Variants in FNDC3B observed in about 807,000 individuals in gnomAD.
FNDC3B encodes fibronectin type III domain-containing protein 3B.
FNDC3B carries 12 observed loss-of-function variants against 151.5 expected under a neutral mutation model. That is an observed-to-expected ratio of 0.08 (90% CI 0.05 to 0.13). The LOEUF is 0.13. FNDC3B is among the 10% of genes least tolerant of loss of function. The probability of loss-of-function intolerance (pLI) is 1.00; values close to 1 mark genes in which losing one functional copy is unlikely to be tolerated. For synonymous variants in FNDC3B, 528 were observed against 549.0 expected, an observed-to-expected ratio of 0.96 and a Z score of 0.54; for missense variants, 1,214 against 1,505.3, an observed-to-expected ratio of 0.81 and a Z score of 3.20.
chr3:172,095,101 A>G lies in FNDC3B; in HGVS notation c.-28-17351A>G, dbSNP rs575765396. On this transcript the variant is annotated intron_variant, in intron 1 of 25. Coordinates refer to ENST00000415807, the MANE Select transcript of FNDC3B (RefSeq NM_022763.4). The stretch of plus-strand genomic sequence containing the variant: ...CAATTTTTGTTTTTCATTGACTCAG[A>G]CACAGTTCTGTCTAATTCTGACCTT... Among the ~76,000 whole-genome samples the G allele has an allele frequency of 2.0e-4, 30 of 152,282 alleles. No individual in the cohort carries two copies. The South Asian group carries it at 5.8e-3, about 29-fold the overall frequency.
At chr3:172,199,248 C>T (rs1330026308) in intron 3 of FNDC3B, among the ~76,000 whole-genome samples, 11 of 150,786 alleles carry the variant, frequency 7.3e-5, no homozygotes, top group South Asian at 2.1e-4. Flanking sequence ...GGCGCGATCT[C>T]GGCTCTCTGC....
chr3:172,352,829 G>A lies in FNDC3B; in HGVS notation c.2541G>A (p.Pro847=), dbSNP rs147677058. The change falls in exon 22 of 26, where the codon CCG becomes CCA. Residue 847 remains proline (P), a synonymous_variant. Coordinates refer to ENST00000415807, the MANE Select transcript of FNDC3B (RefSeq NM_022763.4). This position sits in a 1 kb window ranked among gnomAD's most constrained non-coding sequence, Gnocchi z 4.2. Reference sequence around the variant, plus strand: ...CCTTCAATCAAGCAGGGGCAGGGCCGTACAGTGAACTTGTCCTTTGCCAGA... The same window carrying A: ...CCTTCAATCAAGCAGGGGCAGGGCCATACAGTGAACTTGTCCTTTGCCAGA... ...LQAFNQAGAG[P]YSELVLCQTP... 1.4e-5 allele frequency: 22 copies of A among 1,613,982 alleles called. No individual in the cohort carries two copies. The highest frequency in any genetic ancestry group is 1.7e-4 in the Middle Eastern group (1 of 6,028).
intron 6 of FNDC3B, among the ~76,000 whole-genome samples, chr3:172,280,042 G>A (rs1729629097): frequency 6.6e-6 from 1 of 152,128 alleles, no homozygotes; most frequent in African/African-American, 2.4e-5. Flanking sequence ...AGCCTCCCAA[G>A]TAGTCGGGAC....
chr3:172,112,247 G>C (rs1720013457), intron 1 of FNDC3B, among the ~76,000 whole-genome samples: 1 of 152,200 alleles, frequency 6.6e-6, no homozygotes, highest in South Asian at 2.1e-4. Flanking sequence ...GCCACTTAGA[G>C]ATTCTGGTCT....
chr3:172,383,218 T>G (rs1000578701), intron 25 of FNDC3B, among the ~76,000 whole-genome samples: 1 of 152,216 alleles, frequency 6.6e-6, no homozygotes, highest in African/African-American at 2.4e-5. Flanking sequence ...GGTATTTTAT[T>G]CTCTTTGTAG....
At chr3:172,104,953 A>G (rs889823355) in intron 1 of FNDC3B, among the ~76,000 whole-genome samples, 2 of 152,216 alleles carry the variant, frequency 1.3e-5, no homozygotes, top group Admixed American at 6.5e-5. Flanking sequence ...TTGAAACATC[A>G]GTCAACCTTT....
At chr3:172,347,663 A>G (rs1733676361) in intron 21 of FNDC3B, among the ~76,000 whole-genome samples, 1 of 152,236 alleles carries the variant, frequency 6.6e-6, no homozygotes, top group Non-Finnish European at 1.5e-5. Flanking sequence ...GGGAAAGATG[A>G]CACAGCTCCT....
At chr3:172,127,830 T>A (rs2108564837) in intron 2 of FNDC3B, among the ~76,000 whole-genome samples, 1 of 152,264 alleles carries the variant, frequency 6.6e-6, no homozygotes, top group African/African-American at 2.4e-5. Flanking sequence ...TACCCCCGGC[T>A]AATTTTTGTA....
intron 4 of FNDC3B, among the ~76,000 whole-genome samples, chr3:172,244,179 G>A (rs1301980705): frequency 1.3e-5 from 2 of 152,116 alleles, no homozygotes; most frequent in Non-Finnish European, 2.9e-5. Flanking sequence ...CATAGTATGT[G>A]TCAGGAAATA....
chr3:172,361,184 C>T (rs927340375), intron 22 of FNDC3B, among the ~76,000 whole-genome samples: 3 of 152,160 alleles, frequency 2.0e-5, no homozygotes, highest in African/African-American at 7.2e-5. Flanking sequence ...TACCAGGCTC[C>T]CTTTTAATCC....
chr3:172,335,007 C>A lies in FNDC3B; in HGVS notation c.1705C>A (p.Pro569Thr). The A allele has an allele frequency of 8.1e-6, 13 of 1,613,812 alleles. No homozygotes were observed. Among genetic ancestry groups the A allele is most frequent in the Non-Finnish European group, 1.1e-5 (13 of 1,179,870 alleles). The change falls in exon 15 of 26, where the codon CCT becomes ACT. Residue 569 changes from proline (P) to threonine (T), a missense_variant. Physicochemically the swap from Pro to Thr is conservative, Grantham distance 38. Coordinates refer to ENST00000415807, the MANE Select transcript of FNDC3B (RefSeq NM_022763.4). ...PSEVLVCTTS[P>T]DRPGPPTRPL... ...CGAAGTTCTTGTTTGTACGACGAGT[C>A]CTGACAGGCCTGGACCTCCTACCAG...
chr3:172,356,252 ATCCTTCATT>A (rs1734090256), intron 22 of FNDC3B, among the ~76,000 whole-genome samples: 1 of 152,120 alleles, frequency 6.6e-6, no homozygotes, highest in Admixed American at 6.5e-5. Context: ...CTTCAATCCT[ATCCTTCATT>A]TATTGTCTCT....
At chr3:172,300,754 C>G (rs187503875) in intron 9 of FNDC3B, among the ~76,000 whole-genome samples, 2 of 152,302 alleles carry the variant, frequency 1.3e-5, no homozygotes, top group Admixed American at 1.3e-4. Flanking sequence ...TACCTCTCTG[C>G]TTTCCAGGAA....
intron 10 of FNDC3B, among the ~76,000 whole-genome samples, chr3:172,309,531 C>A (rs1017163331): frequency 1.3e-5 from 2 of 152,024 alleles, no homozygotes; most frequent in Non-Finnish European, 2.9e-5. Flanking sequence ...GCATCACTAT[C>A]CTCTCCTCCA....
intron 1 of FNDC3B, among the ~76,000 whole-genome samples, chr3:172,041,407 C>A (rs1716049803): frequency 1.5e-5 from 2 of 136,226 alleles, no homozygotes; most frequent in Admixed American, 1.5e-4. Flanking sequence ...CTTTCTCCTT[C>A]TCTCTCCTTC....
At chr3:172,191,645 T>A (rs995832831) in intron 3 of FNDC3B, among the ~76,000 whole-genome samples, 10 of 152,094 alleles carry the variant, frequency 6.6e-5, no homozygotes, top group African/African-American at 2.4e-4. Flanking sequence ...TACAGGTGCA[T>A]GCCACCATGC....
intron 6 of FNDC3B, among the ~76,000 whole-genome samples, chr3:172,258,913 A>G (rs1040403892): frequency 1.3e-5 from 2 of 152,186 alleles, no homozygotes; most frequent in Admixed American, 1.3e-4. Flanking sequence ...TCTTGTGAGC[A>G]CATATCCTAG....
At chr3:172,213,981 G>A (rs186296640) in intron 3 of FNDC3B, among the ~76,000 whole-genome samples, 13 of 138,052 alleles carry the variant, frequency 9.4e-5, no homozygotes, top group Non-Finnish European at 1.1e-4. Context: ...TGGAGGCAAT[G>A]TGCCAAAATT....
intron 1 of FNDC3B, among the ~76,000 whole-genome samples, chr3:172,091,107 A>G (rs7620170): frequency 0.53 from 81,327 of 152,072 alleles, 22,182 homozygotes; most frequent in Admixed American, 0.61. Flanking sequence ...GAGTTTAGGA[A>G]ATAAGTAAAA....
Sources: allele counts gnomAD v4.1 joint callset (sites outside exome capture counted in the v4.1 genomes callset), GRCh38; gene constraint gnomAD v4.1.1; non-coding constraint Gnocchi (gnomAD v3.1); transcripts MANE v1.5; gene names NCBI Gene and HGNC (gene_info 2026-07-23, HGNC 2026-07-21).